The following CACNA1C variants were observed in gnomAD, a reference collection of about 807,000 sequenced individuals.
The protein encoded by CACNA1C is voltage-dependent L-type calcium channel subunit alpha-1C.
A neutral mutation model predicts 229.0 loss-of-function variants in CACNA1C; 30 were observed. That is an observed-to-expected ratio of 0.13 (90% confidence interval 0.10 to 0.18). The LOEUF (loss-of-function observed/expected upper bound fraction) is 0.18, where lower values mean the gene tolerates loss of function less well. Ranked by LOEUF, CACNA1C falls within the 10% of genes least tolerant of loss-of-function variation. The pLI is 1.00. For missense variants in CACNA1C, 1,658 were observed against 2,845.0 expected (o/e 0.58, Z 9.49); for synonymous variants, 1,114 against 1,132.5 (o/e 0.98, Z 0.33).
intron 5 of CACNA1C, among the ~76,000 whole-genome samples, chr12:2,482,216 T>C (rs2099678668): frequency 6.6e-6 from 1 of 152,200 alleles, no homozygotes; most frequent in Non-Finnish European, 1.5e-5. Flanking sequence ...GGACCAGCCT[T>C]GGAAACATCT....
chr12:2,480,930 A>G (rs1597600515), intron 5 of CACNA1C, among the ~76,000 whole-genome samples: 1 of 152,226 alleles, frequency 6.6e-6, no homozygotes, highest in Admixed American at 6.5e-5. Context: ...AGGGTCTTCA[A>G]CAGTTTCTCC....
chr12:2,049,188 G>A (rs1216497673), upstream of CACNA1C: 3 of 152,174 alleles, frequency 2.0e-5, no homozygotes, highest in Non-Finnish European at 2.9e-5. Flanking sequence ...AAGAGCGTAG[G>A]CTCTGAAGAC....
intron 34 of CACNA1C, among the ~76,000 whole-genome samples, chr12:2,656,134 G>T (rs758986997): frequency 6.6e-6 from 1 of 152,118 alleles, no homozygotes; most frequent in Non-Finnish European, 1.5e-5. Flanking sequence ...ATCCAAATAG[G>T]AAAGGAAGAA....
intron 3 of CACNA1C, among the ~76,000 whole-genome samples, chr12:2,182,140 A>G (rs1279340354): frequency 6.6e-6 from 1 of 151,078 alleles, no homozygotes. Context: ...GCAAAAAAAA[A>G]AAAAAAAAAA....
chr12:2,396,097 G>T (rs955669351), intron 3 of CACNA1C, among the ~76,000 whole-genome samples: 1 of 152,106 alleles, frequency 6.6e-6, no homozygotes, highest in African/African-American at 2.4e-5. Context: ...CAGCTGACCA[G>T]GAAGTGTGTG....
intron 3 of CACNA1C, among the ~76,000 whole-genome samples, chr12:2,303,963 G>C (rs551604004): frequency 6.6e-6 from 1 of 152,268 alleles, no homozygotes; most frequent in Non-Finnish European, 1.5e-5. Flanking sequence ...CTGGCTTGGC[G>C]TCTGGTGTGG....
Position 2,088,180 on chromosome 12 carries a change from T to G in CACNA1C, c.50-27044T>G, listed in dbSNP as rs1410856120. 2.6e-5 allele frequency among the ~76,000 whole-genome samples: 4 copies of G among 152,276 alleles called. No individual in the cohort carries two copies. The East Asian group carries it at 7.7e-4, about 29-fold the overall frequency. ...AATACAATTACACTTTTGTTAGGTTTATTTCTCCGTATGCTGGTTCTTTGG... is the reference window on the plus strand; with the variant it reads ...AATACAATTACACTTTTGTTAGGTTGATTTCTCCGTATGCTGGTTCTTTGG... On this transcript the variant is annotated intron_variant, in intron 1 of 46. Coordinates refer to ENST00000399655, the MANE Select transcript of CACNA1C (RefSeq NM_000719.7).
At chr12:2,388,291 TACAC>T (rs1471140318) in intron 3 of CACNA1C, among the ~76,000 whole-genome samples, 1 of 152,206 alleles carries the variant, frequency 6.6e-6, no homozygotes, top group East Asian at 1.9e-4. Context: ...TCCCACCACA[TACAC>T]ACACAATTTG....
chr12:2,570,849 G>A (rs900125850), intron 13 of CACNA1C, among the ~76,000 whole-genome samples: 7 of 152,178 alleles, frequency 4.6e-5, no homozygotes, highest in African/African-American at 1.4e-4. Context: ...AGACACCCAC[G>A]ATTAAAATCC....
At chr12:2,292,933 CTT>C (rs528110166) in intron 3 of CACNA1C, among the ~76,000 whole-genome samples, 7,041 of 146,286 alleles carry the variant, frequency 0.048, 197 homozygotes, top group Middle Eastern at 0.078. Flanking sequence ...TGCGTCCTTT[CTT>C]TTTTTTTTTT....
chr12:2,345,119 C>G (rs887541942), intron 3 of CACNA1C, among the ~76,000 whole-genome samples: 1 of 150,774 alleles, frequency 6.6e-6, no homozygotes, highest in Admixed American at 6.6e-5. Flanking sequence ...CAATCAGAAC[C>G]AGCAGGAAGC....
rs1427683017 is a variant in CACNA1C, at chr12:2,597,919, T to C, written c.2853+630T>C. Reference sequence around the variant, plus strand: ...TACACTCTGAAAGTGGGAAACCTCCTGGGGCGTGAAAGAATCACTTGAGCT... The same window carrying C: ...TACACTCTGAAAGTGGGAAACCTCCCGGGGCGTGAAAGAATCACTTGAGCT... On this transcript the variant is annotated intron_variant, in intron 21 of 46. Coordinates refer to ENST00000399655, the MANE Select transcript of CACNA1C (RefSeq NM_000719.7). This position sits in a 1 kb window ranked among gnomAD's most constrained non-coding sequence, Gnocchi z 4.3. 6.6e-6 allele frequency among the ~76,000 whole-genome samples: 1 copy of C among 152,204 alleles called. No individual in the cohort carries two copies. Among genetic ancestry groups the C allele is most frequent in the Admixed American group, 6.5e-5 (1 of 15,282 alleles).
chr12:2,503,097 G>A (rs2099764198), intron 7 of CACNA1C, among the ~76,000 whole-genome samples: 1 of 152,172 alleles, frequency 6.6e-6, no homozygotes, highest in South Asian at 2.1e-4. Flanking sequence ...TTGAAATTGG[G>A]AGCTATGGAG....
rs1483695092 is a variant in CACNA1C, at chr12:2,696,806, C to G, written c.*5607C>G. ...AAAGGTGAGCAGGCACCAGGCCAAG[C>G]AGTGGCTCCCTTGCCAAGGAACCTG... On this transcript the variant is annotated 3_prime_UTR_variant, in exon 47 of 47. Transcript: ENST00000399655. 6.6e-6 allele frequency: 1 copy of G among 152,132 alleles called. No individual in the cohort carries two copies. Among genetic ancestry groups the G allele is most frequent in the African/African-American group, 2.4e-5 (1 of 41,434 alleles). 9.4% of individuals were successfully genotyped at this position (152,132 alleles called of 1,614,324 possible).
chr12:2,619,088 A>G (rs74053888), intron 29 of CACNA1C, among the ~76,000 whole-genome samples: 1,977 of 152,250 alleles, frequency 0.013, 31 homozygotes, highest in African/African-American at 0.04. Flanking sequence ...CCACCCAGAG[A>G]GGAAATTCTG....
intron 8 of CACNA1C, among the ~76,000 whole-genome samples, chr12:2,506,091 C>G (rs930415594): frequency 6.6e-6 from 1 of 152,168 alleles, no homozygotes; most frequent in Non-Finnish European, 1.5e-5. Flanking sequence ...AATCTCCTCC[C>G]AGCTCTTCCA....
intron 9 of CACNA1C, among the ~76,000 whole-genome samples, chr12:2,545,173 G>T (rs2099878780): frequency 6.8e-6 from 1 of 148,148 alleles, no homozygotes; most frequent in Non-Finnish European, 1.5e-5. Flanking sequence ...GTTCATTGTT[G>T]TTGAGTACAA....
chr12:2,124,017 C>T (rs1209382301), intron 3 of CACNA1C, among the ~76,000 whole-genome samples: 1 of 151,948 alleles, frequency 6.6e-6, no homozygotes, highest in African/African-American at 2.4e-5. Context: ...CCTTGTCAAC[C>T]TAACCCAGGC....
At chr12:2,122,846 G>A (rs1001013309) in intron 3 of CACNA1C, among the ~76,000 whole-genome samples, 3 of 152,166 alleles carry the variant, frequency 2.0e-5, no homozygotes, top group East Asian at 1.9e-4. Context: ...CCGGTGCAGC[G>A]ACCGCTGAGG....
Sources: allele counts gnomAD v4.1 joint callset (sites outside exome capture counted in the v4.1 genomes callset), GRCh38; gene constraint gnomAD v4.1.1; non-coding constraint Gnocchi (gnomAD v3.1); transcripts MANE v1.5; gene names NCBI Gene and HGNC (gene_info 2026-07-23, HGNC 2026-07-21).